Variants in SYNE2 observed in about 807,000 individuals in gnomAD.
SYNE2 encodes nesprin-2.
In SYNE2, 431 loss-of-function variants were observed where a neutral mutation model predicts 856.3. That is an observed-to-expected ratio of 0.50 (90% CI 0.47 to 0.55). The LOEUF (loss-of-function observed/expected upper bound fraction) is 0.55. Among genes scored for constraint, SYNE2 ranks in the 20% least tolerant of loss-of-function variants. SYNE2 has a pLI of 0.00. For missense variants in SYNE2, 8,129 were observed against 8,023.2 expected, an observed-to-expected ratio of 1.01 and a Z score of -0.50; for synonymous variants, 2,923 against 2,872.3, an observed-to-expected ratio of 1.02 and a Z score of -0.56.
intron 56 of SYNE2, 127 bp downstream of exon 56, chr14:64,080,765 A>G (rs1187604872): frequency 5.9e-6 from 7 of 1,185,394 alleles, no homozygotes; most frequent in South Asian, 3.8e-5. Flanking sequence ...AGCTGGGGCC[A>G]TGGTAGGCTT....
At chr14:63,784,954 G>T (rs1193548746) in intron 1 of SYNE2, among the ~76,000 whole-genome samples, 3 of 21,902 alleles carry the variant, frequency 1.4e-4, no homozygotes, top group Admixed American at 6.4e-4. Context: ...TTATTTTTTT[G>T]GGGGGGTGAG....
chr14:64,095,815 C>A (rs530171653), intron 61 of SYNE2, among the ~76,000 whole-genome samples: 1 of 152,288 alleles, frequency 6.6e-6, no homozygotes, highest in Non-Finnish European at 1.5e-5. Context: ...TCCCCTCCCC[C>A]CAACATTTTT....
chr14:63,933,157 G>C (rs987934043), intron 2 of SYNE2, among the ~76,000 whole-genome samples: 1 of 152,206 alleles, frequency 6.6e-6, no homozygotes, highest in African/African-American at 2.4e-5. Context: ...CTTCCTCATA[G>C]AGTAGAGAAC....
intron 18 of SYNE2, among the ~76,000 whole-genome samples, chr14:63,985,010 A>C (rs2096613969): frequency 6.6e-6 from 1 of 152,168 alleles, no homozygotes; most frequent in Non-Finnish European, 1.5e-5. Context: ...AAATAAAATA[A>C]ATAAAACAGT....
At chr14:63,811,832 A>T (rs1286900917) in intron 1 of SYNE2, among the ~76,000 whole-genome samples, 7 of 152,180 alleles carry the variant, frequency 4.6e-5, no homozygotes, top group Admixed American at 4.6e-4. Flanking sequence ...TTGTACAAAC[A>T]GGGAGTAGGT....
chr14:63,793,037 C>T (rs1887791278), intron 1 of SYNE2, among the ~76,000 whole-genome samples: 1 of 151,996 alleles, frequency 6.6e-6, no homozygotes, highest in Non-Finnish European at 1.5e-5. Context: ...TTTTTTAAAG[C>T]TATATTATTA....
chr14:64,024,098 C>T lies in SYNE2; in HGVS notation c.5638-159C>T, dbSNP rs960076036. The T allele has an allele frequency of 2.9e-4, 191 of 647,798 alleles. 1 individual carries two copies. The highest frequency in any genetic ancestry group is 5.3e-5 in the Non-Finnish European group (19 of 361,008). The allele number at this position is 647,798 out of a possible 1,614,324, so 40.1% of individuals were successfully genotyped here. ...AGAAGTCAGAACTATTATAAATCATCTGCCATTGGAGATAGCCACATCTCC... is the reference window on the plus strand; with the variant it reads ...AGAAGTCAGAACTATTATAAATCATTTGCCATTGGAGATAGCCACATCTCC... On this transcript the variant is annotated intron_variant, in intron 38 of 115. Coordinates refer to ENST00000555002, the MANE Select transcript of SYNE2 (RefSeq NM_182914.3).
chr14:63,787,213 C>A (rs1003667329), intron 1 of SYNE2, among the ~76,000 whole-genome samples: 10 of 152,144 alleles, frequency 6.6e-5, no homozygotes, highest in Non-Finnish European at 1.5e-4. Context: ...TCTCTTCTAG[C>A]TATTTTGAAA....
At chr14:64,045,330 T>A (rs1326828375) in intron 45 of SYNE2, among the ~76,000 whole-genome samples, 1 of 151,856 alleles carries the variant, frequency 6.6e-6, no homozygotes, top group East Asian at 1.9e-4. Context: ...GATCATCAGA[T>A]AAGAGAGACT....
intron 32 of SYNE2, among the ~76,000 whole-genome samples, chr14:64,015,650 GT>G (rs1049120593): frequency 6.6e-6 from 1 of 151,422 alleles, no homozygotes; most frequent in South Asian, 2.1e-4. Flanking sequence ...TATTTTATTG[GT>G]TTTTTTCCCC....
chr14:64,056,151 G>A lies in SYNE2; in HGVS notation c.9952G>A (p.Gly3318Arg), dbSNP rs2097266893. 3 of 1,613,922 alleles carry A rather than the reference G, an allele frequency of 1.9e-6. No individual in the cohort carries two copies. The highest frequency in any genetic ancestry group is 1.7e-6 in the Non-Finnish European group (2 of 1,180,008). ...AHIQDLTEKL[G>R]MISSPEAKLQ... ...CATCCAGGACCTCACTGAGAAACTGGGAATGATATCCAGCCCCGAAGCCAA... is the reference window on the plus strand; with the variant it reads ...CATCCAGGACCTCACTGAGAAACTGAGAATGATATCCAGCCCCGAAGCCAA... The change falls in exon 49 of 116, where the codon GGA becomes AGA. Residue 3318 changes from glycine (G) to arginine (R), a missense_variant. Physicochemically the swap from Gly to Arg is moderately radical, Grantham distance 125 (BLOSUM62 -2). Around this residue, in one of 3 missense-constraint regions of SYNE2, gnomAD observed 5,410 missense variants for 5,284.8 expected, o/e 1.02. Coordinates refer to ENST00000555002, the MANE Select transcript of SYNE2 (RefSeq NM_182914.3).
At chr14:63,929,506 C>T (rs939745541) in intron 2 of SYNE2, among the ~76,000 whole-genome samples, 4 of 152,176 alleles carry the variant, frequency 2.6e-5, no homozygotes, top group Admixed American at 1.3e-4. Context: ...CGCTGTGGCT[C>T]ATGCCTATAA....
intron 1 of SYNE2, among the ~76,000 whole-genome samples, chr14:63,832,866 CAAAAA>C (rs36099684): frequency 1.5e-4 from 10 of 64,744 alleles, no homozygotes; most frequent in Middle Eastern, 8.3e-3. Context: ...CTGTCTCTAC[CAAAAA>C]AAAAAAAAAA....
At chr14:64,188,777 G>A (rs1014097078) in intron 98 of SYNE2, 69 bp downstream of exon 98, 35 of 1,522,440 alleles carry the variant, frequency 2.3e-5, no homozygotes, top group Non-Finnish European at 3.1e-5. Context: ...TCACTCCTAA[G>A]CCCAAACAGG....
Position 63,982,772 on chromosome 14 carries a change from A to G in SYNE2, c.1979A>G (p.Lys660Arg). 6.2e-7 allele frequency: 1 copy of G among 1,614,068 alleles called. No individual in the cohort carries two copies. ...ELRRLNKRWRKLVSKTQLEMN... is the reference protein window; with the variant it reads ...ELRRLNKRWRRLVSKTQLEMN... ...AGAAGGCTGAATAAAAGATGGAGAA[A>G]GTTGGTTTCAAAAACTCAACTTGTA... The change falls in exon 17 of 116, where the codon AAG becomes AGG. Residue 660 changes from lysine to arginine, a missense_variant. This residue lies in a region of SYNE2 where 2,422 missense variants were observed against 2,357.4 expected (regional missense o/e 1.03). Transcript: ENST00000555002.
At chr14:64,213,157 T>C in intron 105 of SYNE2, 152 bp downstream of exon 105, 3 of 817,722 alleles carry the variant, frequency 3.7e-6, no homozygotes, top group Non-Finnish European at 5.8e-6. Context: ...CATTTTAATT[T>C]CCACTTTTAT....
intron 6 of SYNE2, among the ~76,000 whole-genome samples, chr14:63,949,045 G>T (rs535467596): frequency 6.6e-5 from 10 of 151,806 alleles, no homozygotes; most frequent in African/African-American, 1.4e-4. Context: ...GATCAAGTTT[G>T]TTAATTGTGT....
chr14:64,071,669 A>G (rs1395171427), intron 52 of SYNE2, among the ~76,000 whole-genome samples: 1 of 152,166 alleles, frequency 6.6e-6, no homozygotes, highest in Non-Finnish European at 1.5e-5. Flanking sequence ...CTGCTGAGTA[A>G]TTTACCAGCA....
intron 87 of SYNE2, among the ~76,000 whole-genome samples, chr14:64,161,234 T>C (rs977800498): frequency 2.6e-5 from 4 of 151,900 alleles, no homozygotes; most frequent in African/African-American, 7.2e-5. Context: ...TCCTAGCTAC[T>C]TGTGGGGGCT....
Sources: gnomAD v4.1 joint callset for allele counts (sites outside exome capture counted in the v4.1 genomes callset) on GRCh38, gnomAD v4.1.1 for gene constraint, gnomAD v4.1.1 regional missense constraint, MANE v1.5 for transcripts, NCBI Gene and HGNC (gene_info 2026-07-23, HGNC 2026-07-21) for gene names.